DUSP29: variants seen among roughly 807,000 people sequenced by gnomAD.
The protein encoded by DUSP29 is atypical dual-specific protein phosphatase.
A neutral mutation model predicts 13.5 loss-of-function variants in DUSP29; 12 were observed. The ratio of observed to expected loss-of-function variants is 0.89; its 90% confidence interval spans 0.57 to 1.44. The LOEUF (loss-of-function observed/expected upper bound fraction) is 1.44, where lower values mean the gene tolerates loss of function less well. Among genes scored for constraint, DUSP29 ranks in the 40% most tolerant of loss-of-function variants. DUSP29 has a pLI of 0.00. For missense variants in DUSP29, 308 were observed against 301.1 expected (o/e 1.02, Z -0.17); for synonymous variants, 134 against 128.7 (o/e 1.04, Z -0.28).
In DUSP29 at chr10:75,047,853, G is replaced by A. The variant is rs537851467; in HGVS notation, c.201-3836C>T. 2.0e-5 allele frequency among the ~76,000 whole-genome samples: 3 copies of A among 152,288 alleles called. No homozygotes were observed. The East Asian group carries it at 5.8e-4, about 29-fold the overall frequency. Reference sequence around the variant, plus strand: ...ATAAAGGCTATTGTTAGCTTTTGATGTAAGAACCTCCCATTGTTTCTCTAT... The same window carrying A: ...ATAAAGGCTATTGTTAGCTTTTGATATAAGAACCTCCCATTGTTTCTCTAT... On this transcript the variant is annotated intron_variant, in intron 2 of 3. Transcript: ENST00000338487.
intron 2 of DUSP29, among the ~76,000 whole-genome samples, chr10:75,045,462 G>A (rs1433536125): frequency 1.3e-5 from 2 of 152,208 alleles, no homozygotes; most frequent in African/African-American, 4.8e-5. Context: ...ATAGCAGTGA[G>A]AGCTATCCGA....
At chr10:75,071,901 T>C (rs1450067165) in intron 1 of DUSP29, among the ~76,000 whole-genome samples, 1 of 152,120 alleles carries the variant, frequency 6.6e-6, no homozygotes, top group Non-Finnish European at 1.5e-5. Context: ...AAGCGGCTGG[T>C]TGTCAAAAGC....
intron 1 of DUSP29, among the ~76,000 whole-genome samples, chr10:75,068,480 T>C (rs1847250872): frequency 6.6e-6 from 1 of 152,106 alleles, no homozygotes; most frequent in South Asian, 2.1e-4. Context: ...CTTCTAAATA[T>C]GAAAAATCCT....
chr10:75,065,618 C>A (rs1183289885), intron 1 of DUSP29, among the ~76,000 whole-genome samples: 2 of 152,212 alleles, frequency 1.3e-5, no homozygotes, highest in East Asian at 1.9e-4. Context: ...CATGAGCCAC[C>A]GCGCCCAGCC....
intron 1 of DUSP29, among the ~76,000 whole-genome samples, chr10:75,064,405 G>A (rs956560339): frequency 1.3e-5 from 2 of 152,190 alleles, no homozygotes; most frequent in Non-Finnish European, 2.9e-5. Flanking sequence ...TGACTTGGGA[G>A]GCTGAGGCAG....
chr10:75,037,649 C>T lies in DUSP29; in HGVS notation c.*187G>A, dbSNP rs985196279. Among the ~76,000 whole-genome samples, 8 of 152,222 alleles carry T rather than the reference C, an allele frequency of 5.3e-5. No homozygotes were observed. Among genetic ancestry groups the T allele is most frequent in the Admixed American group, 2.6e-4 (4 of 15,290 alleles). ...CCTCCCATTTTGCTGAGAGGCTGAG[C>T]GCTCAGCTCTGCCCGGGGGCAGCTC... On this transcript the variant is annotated 3_prime_UTR_variant, in exon 4 of 4. Coordinates refer to ENST00000338487, the MANE Select transcript of DUSP29 (RefSeq NM_001003892.3).
At chr10:75,059,367 T>G (rs936725511) in intron 1 of DUSP29, among the ~76,000 whole-genome samples, 2 of 152,074 alleles carry the variant, frequency 1.3e-5, no homozygotes, top group African/African-American at 4.8e-5. Context: ...GCTGAGTAAA[T>G]GATGCACCTA....
chr10:75,041,390 G>C (rs1846580085), intron 3 of DUSP29, among the ~76,000 whole-genome samples: 1 of 152,180 alleles, frequency 6.6e-6, no homozygotes, highest in Non-Finnish European at 1.5e-5. Flanking sequence ...TTATAATCCA[G>C]ATTGGAGACT....
At chr10:75,050,727 C>A (rs1846807547) in intron 2 of DUSP29, among the ~76,000 whole-genome samples, 1 of 152,212 alleles carries the variant, frequency 6.6e-6, no homozygotes, top group African/African-American at 2.4e-5. Flanking sequence ...GATTCAGACC[C>A]CTATCGAGTT....
rs146493779 is a variant in DUSP29 at position 75,037,612 on chromosome 10, G to A, written c.*224C>T. Among the ~76,000 whole-genome samples, 17 of 152,224 alleles carry A rather than the reference G, an allele frequency of 1.1e-4. No individual in the cohort carries two copies. The highest frequency in any genetic ancestry group is 4.1e-4 in the African/African-American group (17 of 41,548). On this transcript the variant is annotated 3_prime_UTR_variant, in exon 4 of 4. Coordinates refer to ENST00000338487, the MANE Select transcript of DUSP29 (RefSeq NM_001003892.3). ...GCATGCTCCTCTGTGACCCAGAGCC[G>A]GGGAGCCCGTCCCTCCCATTTTGCT...
At chr10:75,041,600 G>A (rs185575935) in intron 3 of DUSP29, among the ~76,000 whole-genome samples, 21 of 152,306 alleles carry the variant, frequency 1.4e-4, no homozygotes, top group African/African-American at 5.1e-4. Context: ...AGGCGTTTGA[G>A]CCCTGACTTG....
At chr10:75,070,456 T>C (rs928345960) in intron 1 of DUSP29, among the ~76,000 whole-genome samples, 6 of 152,202 alleles carry the variant, frequency 3.9e-5, no homozygotes, top group African/African-American at 1.4e-4. Context: ...TTCGGCTTCC[T>C]CATCTGTCAA....
At chr10:75,069,716 T>C (rs1271795596) in intron 1 of DUSP29, among the ~76,000 whole-genome samples, 1 of 152,116 alleles carries the variant, frequency 6.6e-6, no homozygotes, top group Non-Finnish European at 1.5e-5. Context: ...GTTGCTTTTA[T>C]TGTGTGCCCA....
At chr10:75,044,539 C>A (rs1846663423) in intron 2 of DUSP29, among the ~76,000 whole-genome samples, 1 of 152,172 alleles carries the variant, frequency 6.6e-6, no homozygotes, top group Non-Finnish European at 1.5e-5. Context: ...ACGATGTGAA[C>A]GGGAAAGTGT....
intron 1 of DUSP29, among the ~76,000 whole-genome samples, chr10:75,059,261 G>T (rs1847034851): frequency 6.6e-6 from 1 of 152,188 alleles, no homozygotes; most frequent in Admixed American, 6.5e-5. Context: ...CATTTGGAGA[G>T]CTTGTTAGGC....
intron 1 of DUSP29, among the ~76,000 whole-genome samples, chr10:75,064,447 G>A (rs1847153791): frequency 6.6e-6 from 1 of 152,238 alleles, no homozygotes; most frequent in African/African-American, 2.4e-5. Context: ...GGCAGAGGTT[G>A]CAGTGAACCG....
chr10:75,052,081 A>G (rs1233839090), intron 2 of DUSP29, among the ~76,000 whole-genome samples: 1 of 152,050 alleles, frequency 6.6e-6, no homozygotes, highest in East Asian at 1.9e-4. Context: ...GACATTTTCC[A>G]TTTTCTTGGT....
chr10:75,066,943 C>CT (rs912134567), intron 1 of DUSP29, among the ~76,000 whole-genome samples: 13 of 143,488 alleles, frequency 9.1e-5, no homozygotes, highest in Middle Eastern at 7.0e-3. Context: ...TTTCTTTTTT[C>CT]TTTTTTTTCT....
At position 75,037,583 on chromosome 10, in the gene DUSP29, C is replaced by T. The variant is rs1239772027; in HGVS notation, c.*253G>A. Among the ~76,000 whole-genome samples, 2 of 152,258 alleles carry T rather than the reference C, an allele frequency of 1.3e-5. No individual in the cohort carries two copies. Among genetic ancestry groups the T allele is most frequent in the Non-Finnish European group, 2.9e-5 (2 of 68,050 alleles). On this transcript the variant is annotated 3_prime_UTR_variant, in exon 4 of 4. Transcript: ENST00000338487. ...AACCAAAGCAGGAGACTTGGTGCAG[C>T]GTGGCATGCTCCTCTGTGACCCAGA...
Sources: allele counts gnomAD v4.1 joint callset (sites outside exome capture counted in the v4.1 genomes callset), GRCh38; gene constraint gnomAD v4.1.1; transcripts MANE v1.5; gene names NCBI Gene and HGNC (gene_info 2026-07-23, HGNC 2026-07-21).